The following C10orf143 variants were observed in gnomAD, a reference collection of about 807,000 sequenced individuals.
C10orf143 encodes the protein chromosome 10 open reading frame 143.
chr10:130,095,193 T>C (rs1411143173), intron 1 of C10orf143, among the ~76,000 whole-genome samples: 3 of 142,114 alleles, frequency 2.1e-5, no homozygotes, highest in Non-Finnish European at 4.4e-5. Flanking sequence ...CTCTTCACAA[T>C]TGCTACAAAG....
chr10:130,090,341 G>A (rs912311748), intron 1 of C10orf143, among the ~76,000 whole-genome samples: 4 of 152,152 alleles, frequency 2.6e-5, no homozygotes, highest in Non-Finnish European at 4.4e-5. Flanking sequence ...GCCAAGGGAA[G>A]CCGTGAGGGA....
intron 1 of C10orf143, chr10:130,106,239 C>T (rs1222347906): frequency 7.8e-6 from 11 of 1,414,094 alleles, no homozygotes; most frequent in Non-Finnish European, 1.1e-5. Context: ...AGTTTTAGAT[C>T]GGTTAGGAGT....
intron 3 of C10orf143, among the ~76,000 whole-genome samples, chr10:130,053,692 T>C (rs1860763258): frequency 6.6e-6 from 1 of 152,200 alleles, no homozygotes; most frequent in South Asian, 2.1e-4. Flanking sequence ...GCCAGGACTT[T>C]TGGACAAGGG....
chr10:130,108,382 GTTCCC>G, intron 1 of C10orf143: 1 of 1,088,752 alleles, frequency 9.2e-7, no homozygotes, highest in Non-Finnish European at 1.4e-6. Flanking sequence ...GTAGAAGTGA[GTTCCC>G]TTCAGGGCTG....
chr10:130,100,714 T>C (rs1382300812), intron 1 of C10orf143, among the ~76,000 whole-genome samples: 2 of 152,166 alleles, frequency 1.3e-5, no homozygotes, highest in Non-Finnish European at 2.9e-5. Context: ...CTGGATGTAA[T>C]TAGTGGACGG....
intron 1 of C10orf143, 61 bp downstream of exon 1, chr10:130,110,643 G>T: frequency 2.5e-6 from 1 of 398,460 alleles, no homozygotes. Flanking sequence ...GAGGCGCGGT[G>T]GGAACCCGCC....
At chr10:130,076,721 A>T (rs1354135558) in intron 3 of C10orf143, among the ~76,000 whole-genome samples, 3 of 152,102 alleles carry the variant, frequency 2.0e-5, no homozygotes, top group African/African-American at 7.2e-5. Flanking sequence ...AATTGCTCTG[A>T]ATTTGCAAGG....
downstream of C10orf143, among the ~76,000 whole-genome samples, chr10:130,063,687 GC>G (rs778010651): frequency 5.3e-4 from 80 of 152,310 alleles, no homozygotes; most frequent in Non-Finnish European, 7.5e-4. Context: ...ATAACGTGAT[GC>G]GGACAGGAGC....
At chr10:130,075,372 C>A (rs193209720) in intron 3 of C10orf143, among the ~76,000 whole-genome samples, 1 of 152,202 alleles carries the variant, frequency 6.6e-6, no homozygotes, top group Non-Finnish European at 1.5e-5. Context: ...CCTGCCAGCA[C>A]TCTGGAGTGC....
chr10:130,088,094 A>G (rs551248195), intron 1 of C10orf143, among the ~76,000 whole-genome samples: 66 of 152,348 alleles, frequency 4.3e-4, no homozygotes, highest in African/African-American at 1.4e-3. Context: ...AACATACCAA[A>G]GGAGCTAGCC....
chr10:130,048,054 C>T (rs1035211964), intron 3 of C10orf143, among the ~76,000 whole-genome samples: 2 of 152,242 alleles, frequency 1.3e-5, no homozygotes, highest in Non-Finnish European at 2.9e-5. Flanking sequence ...TGGCTCATCA[C>T]AGGACTTCAT....
In C10orf143 at chr10:130,065,473, G is replaced by A. The variant is rs940452021; in HGVS notation, c.298-1090C>T. 3 of 152,754 alleles carry A rather than the reference G, an allele frequency of 2.0e-5. No individual in the cohort carries two copies. Among genetic ancestry groups the A allele is most frequent in the African/African-American group, 4.8e-5 (2 of 41,422 alleles). 9.5% of individuals were successfully genotyped at this position (152,754 alleles called of 1,614,324 possible). ...AAGGTCAGACTGTTCCAGGATCGGA[G>A]AAGCTGTGGCGGCTGGAGCAGGGGC... On this transcript the variant is annotated intron_variant, in intron 3 of 3. Transcript: ENST00000637128. This position sits in a 1 kb window ranked among gnomAD's most constrained non-coding sequence, Gnocchi z 4.2.
At position 130,037,422 on chromosome 10, in the gene C10orf143, G is replaced by A. The variant is rs79116230; in HGVS notation, c.298-1452C>T. On this transcript the variant is annotated intron_variant and NMD_transcript_variant, in intron 3 of 5. Coordinates refer to the C10orf143 transcript ENST00000643056. ...GAGAAGGCTCACTCCCAAGCCCATC[G>A]TTCACAAGCCCTGCCTGCTGTGGGT... is the stretch of plus-strand genomic sequence containing the variant. Among the ~76,000 whole-genome samples the A allele has an allele frequency of 9.6e-3, 1,467 of 152,308 alleles. 31 individuals are homozygous for A. Among genetic ancestry groups the A allele is most frequent in the African/African-American group, 0.033 (1,369 of 41,560 alleles).
chr10:130,046,650 C>G (rs1240647594), intron 3 of C10orf143, among the ~76,000 whole-genome samples: 1 of 152,234 alleles, frequency 6.6e-6, no homozygotes, highest in Non-Finnish European at 1.5e-5. Context: ...GATAGGAAGC[C>G]GGCCATGCTC....
intron 1 of C10orf143, among the ~76,000 whole-genome samples, chr10:130,087,661 A>G (rs1861313928): frequency 6.6e-6 from 1 of 152,148 alleles, no homozygotes. Context: ...TGAAGTGTCT[A>G]TAAGGGATAG....
chr10:130,088,444 TTAA>T (rs1208212186), intron 1 of C10orf143, among the ~76,000 whole-genome samples: 1 of 152,186 alleles, frequency 6.6e-6, no homozygotes, highest in African/African-American at 2.4e-5. Flanking sequence ...AGTAATGCAA[TTAA>T]TAAGTCCACA....
chr10:130,069,507 T>C (rs982620719), intron 3 of C10orf143, among the ~76,000 whole-genome samples: 2 of 152,252 alleles, frequency 1.3e-5, no homozygotes, highest in Non-Finnish European at 2.9e-5. Context: ...GTTCTTCTAA[T>C]TGACTGTTAC....
intron 3 of C10orf143, among the ~76,000 whole-genome samples, chr10:130,070,145 T>C (rs1861007080): frequency 6.6e-6 from 1 of 152,238 alleles, no homozygotes; most frequent in African/African-American, 2.4e-5. Flanking sequence ...AAATCATCCA[T>C]GTGTTCTTTC....
chr10:130,090,391 T>C (rs1471637430), intron 1 of C10orf143, among the ~76,000 whole-genome samples: 1 of 152,134 alleles, frequency 6.6e-6, no homozygotes, highest in Non-Finnish European at 1.5e-5. Context: ...CCAGAAACTA[T>C]GCTTTTCCCA....
Sources: allele counts gnomAD v4.1 joint callset (sites outside exome capture counted in the v4.1 genomes callset), GRCh38; gene constraint gnomAD v4.1.1; non-coding constraint Gnocchi (gnomAD v3.1); transcripts MANE v1.5; gene names NCBI Gene and HGNC (gene_info 2026-07-23, HGNC 2026-07-21).